The following DYNC2H1 variants were observed in gnomAD, a reference collection of about 807,000 sequenced individuals.
DYNC2H1 encodes cytoplasmic dynein 2 heavy chain 1.
Under a neutral mutation model 570.0 loss-of-function variants are expected in DYNC2H1, and 410 were observed. The ratio of observed to expected loss-of-function variants is 0.72; its 90% CI spans 0.66 to 0.78. The LOEUF is 0.78. Among genes scored for constraint, DYNC2H1 ranks in the 30% least tolerant of loss-of-function variants. The pLI, the probability that DYNC2H1 is intolerant of heterozygous loss-of-function variation, is 0.00. For synonymous variants in DYNC2H1, 1,688 were observed against 1,677.6 expected, an observed-to-expected ratio of 1.01 and a Z score of -0.15; for missense variants, 4,865 against 5,046.4, an observed-to-expected ratio of 0.96 and a Z score of 1.09.
At chr11:103,416,645 T>C (rs982417547) in intron 84 of DYNC2H1, among the ~76,000 whole-genome samples, 1 of 152,206 alleles carries the variant, frequency 6.6e-6, no homozygotes, top group Admixed American at 6.5e-5. Flanking sequence ...TTACACCTTA[T>C]ACAAAAGTTA....
At chr11:103,399,505 T>G (rs564637009) in intron 83 of DYNC2H1, among the ~76,000 whole-genome samples, 158 bp from the exon 84 acceptor site, 3 of 152,000 alleles carry the variant, frequency 2.0e-5, no homozygotes, top group African/African-American at 7.3e-5. Context: ...TTCCTGTGTA[T>G]TTGCTGACTT....
intron 13 of DYNC2H1, among the ~76,000 whole-genome samples, chr11:103,130,972 T>C (rs1859238155): frequency 6.6e-6 from 1 of 152,186 alleles, no homozygotes; most frequent in African/African-American, 2.4e-5. Context: ...ATTTTCATAT[T>C]CTCAAGCAAT....
intron 87 of DYNC2H1, among the ~76,000 whole-genome samples, chr11:103,463,090 T>C (rs1383798541): frequency 1.3e-5 from 2 of 152,180 alleles, no homozygotes; most frequent in African/African-American, 4.8e-5. Flanking sequence ...TTTCAATATA[T>C]TGTAAACAAC....
At position 103,147,903 on chromosome 11, in the gene DYNC2H1, A is replaced by G. The variant is rs1284434577; in HGVS notation, c.2818+16A>G. 1 of 1,517,378 alleles carries G rather than the reference A, an allele frequency of 6.6e-7. No homozygotes were observed. The highest frequency in any genetic ancestry group is 9.1e-7 in the Non-Finnish European group (1 of 1,102,864). 94.0% of individuals were successfully genotyped at this position (1,517,378 alleles called of 1,614,324 possible). A position where few individuals can be genotyped will look rare whatever the true frequency, so the allele number is the denominator to read the frequency against. ...TCCATACAGGGTAAATACACATTTTAATTTTTATTTTTACTTAATTTGATA... is the reference window on the plus strand; with the variant it reads ...TCCATACAGGGTAAATACACATTTTGATTTTTATTTTTACTTAATTTGATA... On this transcript the variant is annotated intron_variant, in intron 19 of 88. Coordinates refer to ENST00000375735, the MANE Select transcript of DYNC2H1 (RefSeq NM_001377.3).
intron 6 of DYNC2H1, 87 bp from the exon 7 acceptor site, chr11:103,120,360 T>C (rs1591268398): frequency 8.0e-7 from 1 of 1,246,334 alleles, no homozygotes; most frequent in African/African-American, 1.5e-5. Flanking sequence ...TTTAAAGAAA[T>C]TCTTGCCCAA....
intron 70 of DYNC2H1, among the ~76,000 whole-genome samples, chr11:103,263,250 T>C (rs1298175445): frequency 6.6e-6 from 1 of 152,046 alleles, no homozygotes; most frequent in Non-Finnish European, 1.5e-5. Flanking sequence ...TCCCATGTAG[T>C]AATATTGAGA....
intron 85 of DYNC2H1, among the ~76,000 whole-genome samples, chr11:103,440,511 G>C (rs1195758255): frequency 2.6e-5 from 4 of 152,014 alleles, no homozygotes; most frequent in African/African-American, 9.7e-5. Flanking sequence ...ACAGAATTTT[G>C]TTGTTTATAT....
Position 103,128,873 on chromosome 11 carries a change from G to C in DYNC2H1, c.1858-37G>C, listed in dbSNP as rs772505836. 4 of 1,386,044 alleles carry C rather than the reference G, an allele frequency of 2.9e-6. No individual in the cohort carries two copies. The Admixed American group carries it at 6.8e-5, about 24-fold the overall frequency. The allele number at this position is 1,386,044 out of a possible 1,614,324, so 85.9% of individuals were successfully genotyped here. The stretch of plus-strand genomic sequence containing the variant: ...TTAAAAATAAAAAATTAAAAATGAA[G>C]TTATTAATTATTACTAATTGGACTT... On this transcript the variant is annotated intron_variant, in intron 12 of 88. Transcript: ENST00000375735.
At chr11:103,388,025 T>C (rs1448915872) in intron 83 of DYNC2H1, among the ~76,000 whole-genome samples, 1 of 152,198 alleles carries the variant, frequency 6.6e-6, no homozygotes, top group East Asian at 1.9e-4. Flanking sequence ...GTAGTTTTTT[T>C]CCAATTCTGT....
chr11:103,187,814 C>G (rs1024158201), intron 43 of DYNC2H1, among the ~76,000 whole-genome samples: 3 of 152,044 alleles, frequency 2.0e-5, no homozygotes, highest in Non-Finnish European at 4.4e-5. Context: ...ATAGAAACAG[C>G]CTTCACTCTA....
intron 83 of DYNC2H1, among the ~76,000 whole-genome samples, chr11:103,392,627 C>CA (rs11389340): frequency 0.016 from 2,429 of 152,290 alleles, 68 homozygotes; most frequent in African/African-American, 0.055. Context: ...ATCTTGGCTC[C>CA]ACCCCTATCT....
intron 65 of DYNC2H1, among the ~76,000 whole-genome samples, chr11:103,247,929 A>T (rs1356173701): frequency 6.6e-6 from 1 of 152,044 alleles, no homozygotes; most frequent in Non-Finnish European, 1.5e-5. Flanking sequence ...GAAGACAAGG[A>T]TTGATTTACA....
At chr11:103,121,232 A>G in intron 9 of DYNC2H1, 140 bp from the exon 10 acceptor site, 1 of 1,049,352 alleles carries the variant, frequency 9.5e-7, no homozygotes, top group Non-Finnish European at 1.3e-6. Flanking sequence ...TTCATTTGAT[A>G]CATGGTACAG....
At chr11:103,233,820 G>T (rs1184842315) in intron 60 of DYNC2H1, among the ~76,000 whole-genome samples, 1 of 144,444 alleles carries the variant, frequency 6.9e-6, no homozygotes, top group Non-Finnish European at 1.5e-5. Context: ...GGTAGAGAAT[G>T]CTACACTTTA....
chr11:103,452,736 T>A (rs1395777796), intron 85 of DYNC2H1, among the ~76,000 whole-genome samples: 3 of 152,044 alleles, frequency 2.0e-5, no homozygotes, highest in Non-Finnish European at 2.9e-5. Context: ...TATTTATTTC[T>A]TACATAGTTT....
chr11:103,218,819 TAA>T (rs923056360), intron 55 of DYNC2H1, among the ~76,000 whole-genome samples: 3 of 152,250 alleles, frequency 2.0e-5, no homozygotes, highest in African/African-American at 7.2e-5. Flanking sequence ...GTGCATCTCA[TAA>T]GTTAATAATT....
chr11:103,255,898 T>C (rs1481606139), intron 67 of DYNC2H1, among the ~76,000 whole-genome samples: 2 of 152,082 alleles, frequency 1.3e-5, no homozygotes, highest in Non-Finnish European at 2.9e-5. Flanking sequence ...AATGATATAA[T>C]TTCTTAAAAT....
intron 83 of DYNC2H1, among the ~76,000 whole-genome samples, chr11:103,365,645 A>G (rs1209316531): frequency 6.6e-6 from 1 of 152,182 alleles, no homozygotes; most frequent in Non-Finnish European, 1.5e-5. Flanking sequence ...CAAAGGAGAG[A>G]ACTGAGATGG....
chr11:103,114,188 G>T lies in DYNC2H1; in HGVS notation c.452G>T (p.Arg151Ile). The change falls in exon 3 of 89, where the codon AGA (arginine) becomes ATA (isoleucine). Residue 151 changes from arginine (R) to isoleucine (I), a missense_variant. Arg to Ile is a moderately conservative substitution (Grantham distance 97). Around this residue, in one of 5 missense-constraint regions of DYNC2H1, gnomAD observed 1,936 missense variants for 1,962.1 expected, o/e 0.99. Coordinates refer to ENST00000375735, the MANE Select transcript of DYNC2H1 (RefSeq NM_001377.3). ...LEAGLGIVLRRSDTNLTKLKF... is the reference protein window; with the variant it reads ...LEAGLGIVLRISDTNLTKLKF... Reference sequence around the variant, plus strand: ...GCTGGGTTGGGTATAGTTCTACGAAGATCAGACACTAACTTAACAAAATTG... The same window carrying T: ...GCTGGGTTGGGTATAGTTCTACGAATATCAGACACTAACTTAACAAAATTG... The T allele has an allele frequency of 6.2e-7, 1 of 1,603,048 alleles. No individual in the cohort carries two copies. Among genetic ancestry groups the T allele is most frequent in the Admixed American group, 1.7e-5 (1 of 58,332 alleles).
Sources: gnomAD v4.1 joint callset for allele counts (sites outside exome capture counted in the v4.1 genomes callset) on GRCh38, gnomAD v4.1.1 for gene constraint, gnomAD v4.1.1 regional missense constraint, MANE v1.5 for transcripts, NCBI Gene and HGNC (gene_info 2026-07-23, HGNC 2026-07-21) for gene names.